TRIB2: variants seen among roughly 807,000 people sequenced by gnomAD.
TRIB2 encodes tribbles pseudokinase 2, also known as tribbles homolog 2.
Under a neutral mutation model 26.8 loss-of-function variants are expected in TRIB2, and 2 were observed. The ratio of observed to expected loss-of-function variants is 0.07; its 90% CI spans 0.03 to 0.24. TRIB2 has a LOEUF of 0.24. TRIB2 is among the 10% of genes least tolerant of loss of function. TRIB2 has a pLI of 1.00. For missense variants in TRIB2, 306 were observed against 449.0 expected (o/e 0.68, Z 2.88); for synonymous variants, 189 against 187.3 (o/e 1.01, Z -0.08).
chr2:12,737,177 C>G (rs1661598867), intron 2 of TRIB2, among the ~76,000 whole-genome samples: 1 of 152,212 alleles, frequency 6.6e-6, no homozygotes, highest in African/African-American at 2.4e-5. Flanking sequence ...AGGTTTGGGG[C>G]AGACGAACCT....
At chr2:12,720,545 T>C (rs982700702) in intron 1 of TRIB2, among the ~76,000 whole-genome samples, 4 of 151,310 alleles carry the variant, frequency 2.6e-5, no homozygotes, top group African/African-American at 7.4e-5. Flanking sequence ...CTGAGAGATA[T>C]ATATGCTGTG....
intron 2 of TRIB2, among the ~76,000 whole-genome samples, chr2:12,734,117 G>A (rs1035336288): frequency 6.6e-6 from 1 of 152,206 alleles, no homozygotes; most frequent in African/African-American, 2.4e-5. Context: ...GGCACAGTTT[G>A]CAAAAGGCCT....
intron 2 of TRIB2, among the ~76,000 whole-genome samples, chr2:12,726,898 T>C (rs1661350428): frequency 6.6e-6 from 1 of 152,202 alleles, no homozygotes; most frequent in Non-Finnish European, 1.5e-5. Context: ...AAAGTTTCGA[T>C]TGTGTGCCAT....
chr2:12,717,900 G>A lies in TRIB2; in HGVS notation c.-408G>A, dbSNP rs1049820512. ...TGCACAAACTACCGCGGGCTCCTCC[G>A]CCCCGTCTGCGATTCGGAAGCCGGC... On this transcript the variant is annotated 5_prime_UTR_variant, in exon 1 of 3. Transcript: ENST00000155926. The surrounding 1 kb of genome is among the most constrained non-coding windows in gnomAD (Gnocchi z 4.8). The A allele has an allele frequency of 1.3e-5, 3 of 238,470 alleles. No homozygotes were observed. The highest frequency in any genetic ancestry group is 5.0e-5 in the Admixed American group (1 of 19,878). 14.8% of individuals were successfully genotyped at this position (238,470 alleles called of 1,614,324 possible). A position where few individuals can be genotyped will look rare whatever the true frequency, so the allele number is the denominator to read the frequency against.
chr2:12,728,196 C>T (rs1661373987), intron 2 of TRIB2, among the ~76,000 whole-genome samples: 1 of 106,264 alleles, frequency 9.4e-6, no homozygotes, highest in South Asian at 2.5e-4. Context: ...TGGCTTCCAT[C>T]ATGGAATTAA....
chr2:12,735,723 T>G (rs1355685531), intron 2 of TRIB2, among the ~76,000 whole-genome samples: 1 of 152,196 alleles, frequency 6.6e-6, no homozygotes, highest in Admixed American at 6.5e-5. Flanking sequence ...CAGGTCTCTG[T>G]GGCCTCAGGA....
Position 12,732,004 on chromosome 2 carries a change from G to A in TRIB2, c.564-8322G>A, listed in dbSNP as rs562034339. Among the ~76,000 whole-genome samples the A allele has an allele frequency of 2.6e-5, 4 of 152,228 alleles. No homozygotes were observed. The highest frequency in any genetic ancestry group is 9.6e-5 in the African/African-American group (4 of 41,458). ...GGCTGAAAGTCTCAATGCAGGGAGT[G>A]AATGGAGCATTGATGAGGAATTCCT... On this transcript the variant is annotated intron_variant, in intron 2 of 2. Coordinates refer to ENST00000155926, the MANE Select transcript of TRIB2 (RefSeq NM_021643.4). The surrounding 1 kb of genome is among the most constrained non-coding windows in gnomAD (Gnocchi z 4.2).
At chr2:12,719,302 G>T (rs181725227) in intron 1 of TRIB2, among the ~76,000 whole-genome samples, 3 of 152,010 alleles carry the variant, frequency 2.0e-5, no homozygotes, top group Non-Finnish European at 4.4e-5. Context: ...TGCCTGTAAG[G>T]TTAAGAGGCT....
At position 12,718,254 on chromosome 2, in the gene TRIB2, G is replaced by A; in HGVS notation, c.-54G>A. On this transcript the variant is annotated 5_prime_UTR_variant, in exon 1 of 3. Coordinates refer to ENST00000155926, the MANE Select transcript of TRIB2 (RefSeq NM_021643.4). The surrounding 1 kb of genome is among the most constrained non-coding windows in gnomAD (Gnocchi z 4.0). ...GGCGCCTGCAGCCGCACTCGCCAGC[G>A]ACTCATCTCTCCAGCGGGTTTTTTT... 6.3e-7 allele frequency: 1 copy of A among 1,576,124 alleles called. No individual in the cohort carries two copies. The highest frequency in any genetic ancestry group is 8.6e-7 in the Non-Finnish European group (1 of 1,160,556).
chr2:12,730,947 C>T (rs1017541982), intron 2 of TRIB2, among the ~76,000 whole-genome samples: 7 of 152,128 alleles, frequency 4.6e-5, no homozygotes, highest in East Asian at 3.8e-4. Flanking sequence ...GCCTAGATGC[C>T]GTGAACTCCA....
At chr2:12,733,751 C>T (rs930875521) in intron 2 of TRIB2, among the ~76,000 whole-genome samples, 1 of 152,168 alleles carries the variant, frequency 6.6e-6, no homozygotes, top group African/African-American at 2.4e-5. Flanking sequence ...TAGACGAGCC[C>T]TTTTCAGGCC....
At chr2:12,733,703 A>G (rs1305517598) in intron 2 of TRIB2, among the ~76,000 whole-genome samples, 2 of 152,228 alleles carry the variant, frequency 1.3e-5, no homozygotes, top group African/African-American at 4.8e-5. Context: ...CTAGAGCTTA[A>G]GAATTAAAGG....
chr2:12,731,854 T>C lies in TRIB2; in HGVS notation c.563+8302T>C, dbSNP rs563134985. Among the ~76,000 whole-genome samples, 246 of 152,182 alleles carry C rather than the reference T, an allele frequency of 1.6e-3. 2 individuals are homozygous for C. The highest frequency in any genetic ancestry group is 3.4e-3 in the Middle Eastern group (1 of 294). ...GGGAAAATTCTGGACCCCGAAGCAC[T>C]CCTAAGCCACCGGGCAGGGCAGCAA... On this transcript the variant is annotated intron_variant, in intron 2 of 2. Transcript: ENST00000155926.
rs536258845 is a variant in TRIB2 at position 12,740,291 on chromosome 2, C to A, written c.564-35C>A. ...GCTGGTGGTAACGTGTCTCTGAGCA[C>A]CCTCAGGAGCTTATGTTTTCCTCCT... On this transcript the variant is annotated intron_variant, in intron 2 of 2. Transcript: ENST00000155926. The surrounding 1 kb of genome is among the most constrained non-coding windows in gnomAD (Gnocchi z 5.8). The A allele has an allele frequency of 1.9e-6, 3 of 1,596,098 alleles. 1 individual carries two copies. The South Asian group carries it at 3.4e-5, about 18-fold the overall frequency.
intron 2 of TRIB2, chr2:12,724,764 A>G: frequency 1.9e-6 from 3 of 1,612,748 alleles, no homozygotes; most frequent in Non-Finnish European, 2.5e-6. Context: ...TACCTTCTGT[A>G]TGCTGTATTG....
Position 12,718,995 on chromosome 2 carries a change from T to C in TRIB2, c.270+418T>C, listed in dbSNP as rs1666664612. 6.6e-6 allele frequency among the ~76,000 whole-genome samples: 1 copy of C among 152,178 alleles called. No homozygotes were observed. The highest frequency in any genetic ancestry group is 2.4e-5 in the African/African-American group (1 of 41,432). The stretch of plus-strand genomic sequence containing the variant: ...ATGACTTCGTTCTTTTCGCAGCCAT[T>C]GTTCTTAGCAGCGGGCAGGTGTTAA... On this transcript the variant is annotated intron_variant, in intron 1 of 2. Transcript: ENST00000155926. This position sits in a 1 kb window ranked among gnomAD's most constrained non-coding sequence, Gnocchi z 4.0.
chr2:12,729,829 T>C (rs1028534916), intron 2 of TRIB2, among the ~76,000 whole-genome samples: 8 of 152,150 alleles, frequency 5.3e-5, no homozygotes, highest in African/African-American at 1.7e-4. Context: ...GATTTTTTTA[T>C]TACTCCATTT....
At chr2:12,733,497 T>C (rs1661500275) in intron 2 of TRIB2, among the ~76,000 whole-genome samples, 1 of 152,246 alleles carries the variant, frequency 6.6e-6, no homozygotes, top group Admixed American at 6.5e-5. Flanking sequence ...GTGTATGGCC[T>C]AGGGCATTTA....
chr2:12,740,180 T>A lies in TRIB2; in HGVS notation c.564-146T>A, dbSNP rs547311802. On this transcript the variant is annotated intron_variant, in intron 2 of 2. Coordinates refer to ENST00000155926, the MANE Select transcript of TRIB2 (RefSeq NM_021643.4). The surrounding 1 kb of genome is among the most constrained non-coding windows in gnomAD (Gnocchi z 5.8). ...TGGCAGCTAGAAGGTGCTCAGTGAG[T>A]AATGTTTGGCTGGTCAGATGAATGC... 662 of 799,444 alleles carry A rather than the reference T, an allele frequency of 8.3e-4. 3 individuals are homozygous for A. Among genetic ancestry groups the A allele is most frequent in the Non-Finnish European group, 1.2e-3 (589 of 509,586 alleles). The allele number at this position is 799,444 out of a possible 1,614,324, so 49.5% of individuals were successfully genotyped here.
Sources: allele counts gnomAD v4.1 joint callset (sites outside exome capture counted in the v4.1 genomes callset), GRCh38; gene constraint gnomAD v4.1.1; non-coding constraint Gnocchi (gnomAD v3.1); transcripts MANE v1.5; gene names NCBI Gene and HGNC (gene_info 2026-07-23, HGNC 2026-07-21).